CCNB1: variants seen among roughly 807,000 people sequenced by gnomAD.
CCNB1 encodes the protein cyclin B1.
In CCNB1, 26 loss-of-function variants were observed where a neutral mutation model predicts 44.4. That is an observed-to-expected ratio of 0.59 (90% CI 0.43 to 0.81). The LOEUF (loss-of-function observed/expected upper bound fraction) is 0.81. CCNB1 is among the 40% of genes least tolerant of loss of function. The probability of loss-of-function intolerance (pLI) is 0.00; values close to 1 mark genes in which losing one functional copy is unlikely to be tolerated. For missense variants in CCNB1, 477 were observed against 520.9 expected (o/e 0.92, Z 0.82); for synonymous variants, 195 against 181.4 (o/e 1.08, Z -0.60).
intron 4 of CCNB1, among the ~76,000 whole-genome samples, chr5:69,172,382 G>A (rs1017299062): frequency 1.3e-4 from 20 of 151,966 alleles, no homozygotes; most frequent in Admixed American, 8.5e-4. Flanking sequence ...TCAGCATCCC[G>A]AGCAGCTGGG....
chr5:69,172,171 G>C (rs1747475032), intron 4 of CCNB1, among the ~76,000 whole-genome samples: 1 of 152,052 alleles, frequency 6.6e-6, no homozygotes, highest in Admixed American at 6.6e-5. Context: ...TCTGTCTCCT[G>C]GGTTCAAGCA....
chr5:69,174,658 T>C (rs1747540055), intron 5 of CCNB1, among the ~76,000 whole-genome samples: 1 of 151,662 alleles, frequency 6.6e-6, no homozygotes, highest in Non-Finnish European at 1.5e-5. Flanking sequence ...GAGGTTGCAG[T>C]GAGCTGAGAT....
chr5:69,177,092 A>G (rs901777023), intron 7 of CCNB1, 147 bp from the exon 8 acceptor site: 2 of 506,924 alleles, frequency 3.9e-6, no homozygotes, highest in Non-Finnish European at 7.0e-6. Flanking sequence ...CACCTAGGAA[A>G]GGAGTCTTTA....
chr5:69,171,148 A>C (rs1747450413), intron 3 of CCNB1, 122 bp from the exon 4 acceptor site: 4 of 637,322 alleles, frequency 6.3e-6, no homozygotes, highest in Non-Finnish European at 1.1e-5. Flanking sequence ...TCCTTTAAGG[A>C]AATGAATTGT....
chr5:69,175,174 C>G, intron 6 of CCNB1, 61 bp downstream of exon 6: 1 of 1,285,584 alleles, frequency 7.8e-7, no homozygotes, highest in Non-Finnish European at 1.1e-6. Flanking sequence ...TGCTGCTGAC[C>G]AAGCACGTTG....
chr5:69,177,807 TA>T lies in CCNB1; in HGVS notation c.*180del. 1 of 535,224 alleles carries T rather than the reference TA, an allele frequency of 1.9e-6. No individual in the cohort carries two copies. The highest frequency in any genetic ancestry group is 3.3e-6 in the Non-Finnish European group (1 of 300,626). 33.2% of individuals were successfully genotyped at this position (535,224 alleles called of 1,614,324 possible). Reference sequence around the variant, plus strand: ...CTGTAGGGTAGCGGAAAAGTTGTCTTAAAAGGTATGGTGGGGATATTTTTAA... The same window carrying T: ...CTGTAGGGTAGCGGAAAAGTTGTCTTAAAGGTATGGTGGGGATATTTTTAA... On this transcript the variant is annotated 3_prime_UTR_variant, in exon 9 of 9. Coordinates refer to ENST00000256442, the MANE Select transcript of CCNB1 (RefSeq NM_031966.4).
At chr5:69,172,335 G>A (rs164789) in intron 4 of CCNB1, among the ~76,000 whole-genome samples, 94,433 of 151,944 alleles carry the variant, frequency 0.62, 30,174 homozygotes, top group African/African-American at 0.77. Context: ...TCTCGGCTCA[G>A]TCCAGCCTCC....
intron 1 of CCNB1, chr5:69,167,598 CTG>C (rs1747363675): frequency 2.0e-6 from 1 of 509,232 alleles, no homozygotes; most frequent in South Asian, 2.7e-5. Context: ...GCCAGCAACT[CTG>C]TAACCCCCTT....
intron 3 of CCNB1, among the ~76,000 whole-genome samples, chr5:69,168,546 A>G (rs1283569598): frequency 4.6e-5 from 7 of 152,314 alleles, no homozygotes. Context: ...CACCTCTACT[A>G]TTTAAATCAT....
Position 69,175,982 on chromosome 5 carries a change from AATATATATATAT to A in CCNB1, c.1083+467_1083+478del, listed in dbSNP as rs68140968. 9.6e-3 allele frequency among the ~76,000 whole-genome samples: 1,123 copies of A among 116,392 alleles called. 19 individuals are homozygous for A. The highest frequency in any genetic ancestry group is 0.012 in the Non-Finnish European group (734 of 59,384). 76.4% of individuals were successfully genotyped at this position (116,392 alleles called of 152,430 possible). ...CCTCATCTTTACAAAAAATATATAA[AATATATATATAT>A]ATATATATATATATATATATACAGG... On this transcript the variant is annotated intron_variant, in intron 7 of 8. Transcript: ENST00000256442.
intron 7 of CCNB1, among the ~76,000 whole-genome samples, chr5:69,176,395 C>T (rs762639251): frequency 9.8e-4 from 148 of 151,750 alleles, no homozygotes; most frequent in Non-Finnish European, 1.6e-3. Flanking sequence ...CTCTCTCTGT[C>T]GCCCAGGCTG....
intron 4 of CCNB1, among the ~76,000 whole-genome samples, chr5:69,171,955 C>T (rs531077853): frequency 1.1e-4 from 16 of 152,268 alleles, no homozygotes; most frequent in African/African-American, 3.8e-4. Flanking sequence ...AATTTGATCC[C>T]ACTTTTGAAA....
intron 4 of CCNB1, among the ~76,000 whole-genome samples, chr5:69,171,717 A>G (rs1747463853): frequency 6.6e-6 from 1 of 152,196 alleles, no homozygotes; most frequent in South Asian, 2.1e-4. Flanking sequence ...TGAATTTGAT[A>G]TGTATATATG....
At chr5:69,167,875 G>T (rs778022575) in intron 1 of CCNB1, 33 bp from the exon 2 acceptor site, 2 of 1,570,504 alleles carry the variant, frequency 1.3e-6, no homozygotes, top group South Asian at 1.2e-5. Flanking sequence ...AGCCTTCGTG[G>T]ATCAGCTCTT....
chr5:69,177,308 A>G lies in CCNB1; in HGVS notation c.1153A>G (p.Lys385Glu). Residue 385 changes from lysine (K) to glutamate (E), a missense_variant, in exon 8 of 9, where the codon AAG becomes GAG. By Grantham distance (56) the Lys-to-Glu change is moderately conservative. Coordinates refer to ENST00000256442, the MANE Select transcript of CCNB1 (RefSeq NM_031966.4). Reference protein sequence around the residue: ...SLLPVMQHLAKNVVMVNQGLT... With the variant: ...SLLPVMQHLAENVVMVNQGLT... The stretch of plus-strand genomic sequence containing the variant: ...TCTTCCAGTTATGCAGCACCTGGCT[A>G]AGAATGTAGTCATGGTAAATCAAGG... 1 of 1,613,006 alleles carries G rather than the reference A, an allele frequency of 6.2e-7. No individual in the cohort carries two copies. The highest frequency in any genetic ancestry group is 1.3e-5 in the African/African-American group (1 of 75,050).
intron 3 of CCNB1, among the ~76,000 whole-genome samples, chr5:69,170,360 A>G (rs995993340): frequency 6.6e-6 from 1 of 152,178 alleles, no homozygotes; most frequent in African/African-American, 2.4e-5. Flanking sequence ...TTTGACTTCA[A>G]GAAGGTGCTC....
At chr5:69,171,215 C>A (rs781442225) in intron 3 of CCNB1, 55 bp from the exon 4 acceptor site, 11 of 1,396,732 alleles carry the variant, frequency 7.9e-6, no homozygotes, top group Non-Finnish European at 1.1e-5. Context: ...AACTTCATGC[C>A]CAAACTATAG....
chr5:69,171,676 A>G (rs1394946587), intron 4 of CCNB1, among the ~76,000 whole-genome samples: 1 of 152,170 alleles, frequency 6.6e-6, no homozygotes, highest in Non-Finnish European at 1.5e-5. Context: ...GGTGGATACT[A>G]CTATCGCTTT....
At chr5:69,167,840 C>A in intron 1 of CCNB1, 68 bp from the exon 2 acceptor site, 1 of 1,415,462 alleles carries the variant, frequency 7.1e-7, no homozygotes, top group Non-Finnish European at 9.6e-7. Flanking sequence ...TTGTGCCCCA[C>A]CTTAATTAAC....
Sources: allele counts gnomAD v4.1 joint callset (sites outside exome capture counted in the v4.1 genomes callset), GRCh38; gene constraint gnomAD v4.1.1; transcripts MANE v1.5; gene names NCBI Gene and HGNC (gene_info 2026-07-23, HGNC 2026-07-21).